The following RXFP2 variants were observed in gnomAD, a reference collection of about 807,000 sequenced individuals.
RXFP2 encodes relaxin receptor 2.
Under a neutral mutation model 88.6 loss-of-function variants are expected in RXFP2, and 68 were observed. The ratio of observed to expected loss-of-function variants is 0.77; its 90% CI spans 0.63 to 0.94. RXFP2 has a LOEUF of 0.94. Among genes scored for constraint, RXFP2 ranks in the 40% least tolerant of loss-of-function variants. RXFP2 has a pLI of 0.00. For missense variants in RXFP2, 791 were observed against 893.9 expected (o/e 0.88, Z 1.47); for synonymous variants, 329 against 306.8 (o/e 1.07, Z -0.76).
intron 13 of RXFP2, among the ~76,000 whole-genome samples, chr13:31,788,883 A>G (rs947583579): frequency 6.6e-6 from 1 of 152,226 alleles, no homozygotes; most frequent in Non-Finnish European, 1.5e-5. Context: ...AATCAAAGAA[A>G]TGAATGAATA....
At chr13:31,765,224 C>A (rs1039906246) in intron 4 of RXFP2, 82 bp downstream of exon 4, 6 of 828,342 alleles carry the variant, frequency 7.2e-6, no homozygotes, top group Non-Finnish European at 1.3e-5. Context: ...GTTGCTTGTG[C>A]ATTAGCAAAA....
At chr13:31,781,769 T>C (rs1423588759) in intron 10 of RXFP2, 27 bp downstream of exon 10, 1 of 1,544,046 alleles carries the variant, frequency 6.5e-7, no homozygotes, top group Non-Finnish European at 8.9e-7. Flanking sequence ...CTTCACTAAA[T>C]GAGGGGAAAC....
At chr13:31,774,817 T>C in intron 6 of RXFP2, 126 bp downstream of exon 6, 2 of 696,890 alleles carry the variant, frequency 2.9e-6, no homozygotes, top group Non-Finnish European at 2.6e-6. Flanking sequence ...ACAAAGTACT[T>C]AGATTAGTTA....
intron 9 of RXFP2, among the ~76,000 whole-genome samples, chr13:31,779,931 G>A (rs1359634767): frequency 6.6e-6 from 1 of 152,036 alleles, no homozygotes; most frequent in African/African-American, 2.4e-5. Context: ...TATTAAAAAC[G>A]GAAATAATGA....
intron 7 of RXFP2, 79 bp from the exon 8 acceptor site, chr13:31,777,297 G>A: frequency 1.1e-6 from 1 of 916,666 alleles, no homozygotes; most frequent in Admixed American, 1.9e-5. Flanking sequence ...CAAAGGAGTA[G>A]GCCAGGTGTT....
intron 6 of RXFP2, 49 bp from the exon 7 acceptor site, chr13:31,775,269 A>G: frequency 7.4e-7 from 1 of 1,344,222 alleles, no homozygotes; most frequent in Non-Finnish European, 1.1e-6. Flanking sequence ...ATATGTGACT[A>G]AAATAGGGTA....
chr13:31,754,108 A>G (rs1315754062), intron 1 of RXFP2, among the ~76,000 whole-genome samples: 2 of 152,188 alleles, frequency 1.3e-5, no homozygotes, highest in Non-Finnish European at 2.9e-5. Context: ...ATGCAACTCA[A>G]TCTTTTTTCT....
chr13:31,777,427 A>G lies in RXFP2; in HGVS notation c.693A>G (p.Gly231=). 1.2e-5 allele frequency: 20 copies of G among 1,611,028 alleles called. No homozygotes were observed. The highest frequency in any genetic ancestry group is 1.7e-5 in the Non-Finnish European group (20 of 1,177,824). The change falls in exon 8 of 18, where the codon GGA becomes GGG. Residue 231 remains glycine, a synonymous_variant. Coordinates refer to ENST00000298386, the MANE Select transcript of RXFP2 (RefSeq NM_130806.5). ...GAATTTCACAGCGCTTGTTTACGGG[A>G]TTAAATTCCTTGTTTTTCCTGTAAG... ...ITRISQRLFT[G]LNSLFFLSMV... is the part of the protein sequence containing the mutation.
intron 2 of RXFP2, among the ~76,000 whole-genome samples, chr13:31,758,951 G>A (rs1872111515): frequency 6.6e-6 from 1 of 152,114 alleles, no homozygotes. Flanking sequence ...GGGAGGCTGA[G>A]GCAGGAGAAT....
intron 1 of RXFP2, among the ~76,000 whole-genome samples, chr13:31,750,462 C>T (rs976021981): frequency 6.6e-6 from 1 of 151,918 alleles, no homozygotes; most frequent in Non-Finnish European, 1.5e-5. Context: ...CAAACTAAAA[C>T]ATTAGTGACT....
intron 1 of RXFP2, among the ~76,000 whole-genome samples, chr13:31,750,837 G>A (rs1447169558): frequency 1.3e-5 from 2 of 152,140 alleles, no homozygotes; most frequent in Non-Finnish European, 2.9e-5. Context: ...GTGTGGTAAA[G>A]AAGTGGAGAC....
chr13:31,751,521 T>C (rs1871672288), intron 1 of RXFP2, among the ~76,000 whole-genome samples: 1 of 152,160 alleles, frequency 6.6e-6, no homozygotes, highest in African/African-American at 2.4e-5. Flanking sequence ...TCTATGTGGA[T>C]GGTACCCACG....
At chr13:31,759,410 A>AAAGAAAGAAAG in intron 2 of RXFP2, among the ~76,000 whole-genome samples, 1 of 150,362 alleles carries the variant, frequency 6.7e-6, no homozygotes, top group East Asian at 2.0e-4. Context: ...AGAAAGAAAG[A>AAAGAAAGAAAG]AAGAAAGAAA....
chr13:31,776,119 T>A (rs1020777141), intron 7 of RXFP2, among the ~76,000 whole-genome samples: 1 of 148,960 alleles, frequency 6.7e-6, no homozygotes, highest in Non-Finnish European at 1.5e-5. Context: ...TCTTTCTTTC[T>A]TTCTTTCTTT....
At position 31,802,523 on chromosome 13, in the gene RXFP2, G is replaced by A; in HGVS notation, c.*118G>A. 9.0e-7 allele frequency: 1 copy of A among 1,106,708 alleles called. No individual in the cohort carries two copies. Among genetic ancestry groups the A allele is most frequent in the Non-Finnish European group, 1.4e-6 (1 of 733,414 alleles). 68.6% of individuals were successfully genotyped at this position (1,106,708 alleles called of 1,614,324 possible). A position where few individuals can be genotyped will look rare whatever the true frequency, so the allele number is the denominator to read the frequency against. On this transcript the variant is annotated 3_prime_UTR_variant, in exon 18 of 18. Transcript: ENST00000298386. ...AACGGCAAGCCTTTCTGCACAGAGA[G>A]CACAGCAGAATGGCTCCTGTCACTG...
intron 16 of RXFP2, among the ~76,000 whole-genome samples, chr13:31,796,838 A>G (rs1874073806): frequency 6.6e-6 from 1 of 152,250 alleles, no homozygotes; most frequent in Admixed American, 6.5e-5. Context: ...ATGCTCTAAA[A>G]TATGGAACTT....
intron 2 of RXFP2, among the ~76,000 whole-genome samples, 184 bp downstream of exon 2, chr13:31,758,588 A>G (rs1872089395): frequency 6.6e-6 from 1 of 152,246 alleles, no homozygotes; most frequent in South Asian, 2.1e-4. Context: ...TTTTGTAGGT[A>G]CAGGTTACTT....
chr13:31,799,813 A>C (rs773979217), intron 17 of RXFP2, among the ~76,000 whole-genome samples: 5 of 152,192 alleles, frequency 3.3e-5, no homozygotes, highest in Non-Finnish European at 1.5e-5. Flanking sequence ...GTCCAAGATC[A>C]AAGTGTCAGC....
chr13:31,778,531 T>C lies in RXFP2; in HGVS notation c.733T>C (p.Leu245=), dbSNP rs1356396211. Residue 245 remains leucine, a synonymous_variant, in exon 9 of 18, where the codon TTA becomes CTA. Coordinates refer to ENST00000298386, the MANE Select transcript of RXFP2 (RefSeq NM_130806.5). ...GTAAAGGTCTATGGTTAATAACTAC[T>C]TAGAAGCTCTTCCCAAGCAGATGTG... The part of the protein sequence containing the change: ...LFFLSMVNNY[L]EALPKQMCAQ... The C allele has an allele frequency of 6.2e-6, 10 of 1,610,110 alleles. No individual in the cohort carries two copies. In the South Asian group the frequency reaches 7.7e-5, roughly 12 times the overall value.
Sources: gnomAD v4.1 joint callset for allele counts (sites outside exome capture counted in the v4.1 genomes callset) on GRCh38, gnomAD v4.1.1 for gene constraint, MANE v1.5 for transcripts, NCBI Gene and HGNC (gene_info 2026-07-23, HGNC 2026-07-21) for gene names.